The following GRIK1 variants were observed in gnomAD, a reference collection of about 807,000 sequenced individuals.
GRIK1 encodes glutamate receptor ionotropic, kainate 1.
In GRIK1, 69 loss-of-function variants were observed where a neutral mutation model predicts 105.7. The observed-to-expected ratio is 0.65, with a 90% CI of 0.54 to 0.80. The LOEUF (loss-of-function observed/expected upper bound fraction) is 0.80, where lower values mean the gene tolerates loss of function less well. Ranked by LOEUF, GRIK1 falls within the 30% of genes least tolerant of loss-of-function variation. The pLI is 0.00. For synonymous variants in GRIK1, 438 were observed against 431.3 expected (o/e 1.02, Z -0.19); for missense variants, 1,109 against 1,167.3 (o/e 0.95, Z 0.73).
chr21:29,666,666 C>T (rs921562164), intron 4 of GRIK1, among the ~76,000 whole-genome samples: 1 of 152,164 alleles, frequency 6.6e-6, no homozygotes, highest in African/African-American at 2.4e-5. Flanking sequence ...ACCACATTCT[C>T]TACTGGGCCA....
intron 1 of GRIK1, among the ~76,000 whole-genome samples, chr21:29,750,908 A>C (rs2065181803): frequency 1.3e-5 from 2 of 152,210 alleles, no homozygotes; most frequent in Admixed American, 1.3e-4. Context: ...ACCTGGGTGC[A>C]GGCGGACTGA....
At position 29,581,450 on chromosome 21, in the gene GRIK1, A is replaced by G; in HGVS notation, c.1887T>C (p.Phe629=). ...CTTGCTGCATGAGAGCTCCAACTCC[A>G]AACCAGAAACTATTTAGTAAAGTAA... ...NNFTLLNSFW[F]GVGALMQQGS... is the part of the protein sequence containing the mutation. Residue 629 remains phenylalanine, a synonymous_variant, in exon 13 of 18, where the codon TTT becomes TTC. Coordinates refer to ENST00000327783, the MANE Select transcript of GRIK1 (RefSeq NM_001330994.2). The G allele has an allele frequency of 6.2e-7, 1 of 1,612,180 alleles. No individual in the cohort carries two copies. The highest frequency in any genetic ancestry group is 1.1e-5 in the South Asian group (1 of 91,034).
intron 1 of GRIK1, among the ~76,000 whole-genome samples, chr21:29,848,767 A>AT (rs1250919131): frequency 6.4e-5 from 6 of 93,464 alleles, no homozygotes; most frequent in African/African-American, 3.6e-4. Flanking sequence ...ATATATATAT[A>AT]TATATATATA....
intron 3 of GRIK1, among the ~76,000 whole-genome samples, chr21:29,675,721 T>C (rs1462704282): frequency 6.6e-6 from 1 of 152,170 alleles, no homozygotes; most frequent in Non-Finnish European, 1.5e-5. Context: ...TTGAGGTAGA[T>C]GAGGCATCAA....
At chr21:29,717,756 TGA>T (rs753285171) in intron 1 of GRIK1, among the ~76,000 whole-genome samples, 1 of 152,226 alleles carries the variant, frequency 6.6e-6, no homozygotes, top group South Asian at 2.1e-4. Flanking sequence ...AATGCCAGAA[TGA>T]GCTAAGACTT....
At chr21:29,823,686 A>G (rs1411550811) in intron 1 of GRIK1, among the ~76,000 whole-genome samples, 2 of 151,964 alleles carry the variant, frequency 1.3e-5, no homozygotes, top group African/African-American at 4.8e-5. Context: ...CCATGCTGTA[A>G]GATTTAAAGA....
At position 29,537,231 on chromosome 21, in the gene GRIK1, C is replaced by T; in HGVS notation, c.2849G>A (p.Ter950=). 6.3e-7 allele frequency: 1 copy of T among 1,591,348 alleles called. No homozygotes were observed. The highest frequency in any genetic ancestry group is 1.2e-5 in the South Asian group (1 of 86,154). The stretch of plus-strand genomic sequence containing the variant: ...TCTTCCTACAGGCGTTTCCTTGGAT[C>T]ACGCCACAGTCTCTTTTCTCTGAGT... The part of the protein sequence containing the change: ...RRTQRKETVA[*] The change falls in exon 18 of 18, where the codon TGA becomes TAA. Residue 950 remains the stop codon, a stop_retained_variant. Transcript: ENST00000327783.
intron 1 of GRIK1, among the ~76,000 whole-genome samples, chr21:29,763,087 A>C (rs2065568681): frequency 6.6e-6 from 1 of 152,068 alleles, no homozygotes; most frequent in African/African-American, 2.4e-5. Flanking sequence ...TCCCCACCTA[A>C]ATCTCATCTT....
At chr21:29,572,364 G>A (rs1245757573) in intron 14 of GRIK1, among the ~76,000 whole-genome samples, 1 of 151,974 alleles carries the variant, frequency 6.6e-6, no homozygotes. Context: ...GAGGAACTTG[G>A]CAACAGTGTC....
chr21:29,869,875 TC>T (rs2068951743), intron 1 of GRIK1, among the ~76,000 whole-genome samples: 1 of 152,124 alleles, frequency 6.6e-6, no homozygotes, highest in Admixed American at 6.5e-5. Flanking sequence ...AAGGCATATT[TC>T]CCCCCATAAC....
At chr21:29,660,515 T>A (rs777583916) in intron 4 of GRIK1, among the ~76,000 whole-genome samples, 83 of 152,092 alleles carry the variant, frequency 5.5e-4, no homozygotes, top group Non-Finnish European at 8.7e-4. Flanking sequence ...CAATGAAAAA[T>A]TCCTCTCCAC....
Position 29,689,926 on chromosome 21 carries a change from C to A in GRIK1, c.346G>T (p.Val116Phe). The A allele has an allele frequency of 7.0e-6, 11 of 1,567,976 alleles. No homozygotes were observed. The highest frequency in any genetic ancestry group is 7.8e-6 in the Non-Finnish European group (9 of 1,151,476). The change falls in exon 3 of 18, where the codon GTC becomes TTC. Residue 116 changes from valine (V) to phenylalanine (F), a missense_variant. Val to Phe is a conservative substitution (Grantham distance 50). Coordinates refer to ENST00000327783, the MANE Select transcript of GRIK1 (RefSeq NM_001330994.2). ...TTGCAAATAGACTGCACAGCACTGA[C>A]GGAGGAGCTATGGGAAGGGCCAAAG... ...ALFGPSHSSS[V>F]SAVQSICNAL... is the part of the protein sequence containing the mutation.
chr21:29,881,460 C>T (rs1434042109), intron 1 of GRIK1, among the ~76,000 whole-genome samples: 1 of 152,112 alleles, frequency 6.6e-6, no homozygotes, highest in African/African-American at 2.4e-5. Flanking sequence ...GAGTCGCTTG[C>T]TCCAGACCAC....
intron 1 of GRIK1, among the ~76,000 whole-genome samples, chr21:29,723,606 C>T (rs2064379267): frequency 6.6e-6 from 1 of 152,164 alleles, no homozygotes; most frequent in South Asian, 2.1e-4. Flanking sequence ...CCAGTTGATT[C>T]ATATCAGAGA....
intron 1 of GRIK1, among the ~76,000 whole-genome samples, chr21:29,903,022 G>T (rs374019357): frequency 6.9e-6 from 1 of 145,490 alleles, no homozygotes; most frequent in East Asian, 2.0e-4. Context: ...ACACATACAA[G>T]CAATGGGGAA....
At chr21:29,890,781 A>G (rs1012588129) in intron 1 of GRIK1, among the ~76,000 whole-genome samples, 1 of 152,158 alleles carries the variant, frequency 6.6e-6, no homozygotes, top group Non-Finnish European at 1.5e-5. Flanking sequence ...ATACATAGAC[A>G]CGCACACTCA....
intron 3 of GRIK1, among the ~76,000 whole-genome samples, chr21:29,684,258 CT>C (rs1568971964): frequency 2.8e-5 from 3 of 107,974 alleles, no homozygotes; most frequent in Non-Finnish European, 4.4e-5. Flanking sequence ...TCATCTCTAT[CT>C]ATCTATCTAT....
intron 1 of GRIK1, among the ~76,000 whole-genome samples, chr21:29,697,910 C>T (rs1181343804): frequency 1.5e-5 from 2 of 137,110 alleles, no homozygotes; most frequent in Non-Finnish European, 3.0e-5. Flanking sequence ...TCTTTTCTTT[C>T]TTTCTTTCTC....
Position 29,596,548 on chromosome 21 carries a change from T to C in GRIK1, c.1229A>G (p.His410Arg). The change falls in exon 9 of 18, where the codon CAC becomes CGC. Residue 410 changes from histidine to arginine, a missense_variant. Physicochemically the swap from His to Arg is conservative, Grantham distance 29 (BLOSUM62 0). Coordinates refer to ENST00000327783, the MANE Select transcript of GRIK1 (RefSeq NM_001330994.2). Reference sequence around the variant, plus strand: ...AACCTTCTTCCACACTTTATACAAGTGTTTAGACACTTCGCCAGCAGCCTT... The same window carrying C: ...AACCTTCTTCCACACTTTATACAAGCGTTTAGACACTTCGCCAGCAGCCTT... ...TEKAAGEVSK[H>R]LYKVWKKIGI... 6.2e-7 allele frequency: 1 copy of C among 1,610,420 alleles called. No homozygotes were observed. The highest frequency in any genetic ancestry group is 8.5e-7 in the Non-Finnish European group (1 of 1,176,648).
Sources: allele counts gnomAD v4.1 joint callset (sites outside exome capture counted in the v4.1 genomes callset), GRCh38; gene constraint gnomAD v4.1.1; transcripts MANE v1.5; gene names NCBI Gene and HGNC (gene_info 2026-07-23, HGNC 2026-07-21).